ARHGAP30: variants seen among roughly 807,000 people sequenced by gnomAD.
The protein encoded by ARHGAP30 is Rho GTPase activating protein 30.
Under a neutral mutation model 72.0 loss-of-function variants are expected in ARHGAP30, and 23 were observed. The observed-to-expected ratio is 0.32, with a 90% CI of 0.23 to 0.45. The LOEUF (loss-of-function observed/expected upper bound fraction) is 0.45, where lower values mean the gene tolerates loss of function less well. ARHGAP30 is among the 20% of genes least tolerant of loss of function. The pLI, the probability that ARHGAP30 is intolerant of heterozygous loss-of-function variation, is 1.00. For missense variants in ARHGAP30, 1,319 were observed against 1,383.4 expected (o/e 0.95, Z 0.74); for synonymous variants, 576 against 528.2 (o/e 1.09, Z -1.24).
chr1:161,052,542 T>C lies in ARHGAP30; in HGVS notation c.838A>G (p.Arg280Gly). 6.2e-7 allele frequency: 1 copy of C among 1,613,774 alleles called. No homozygotes were observed. Among genetic ancestry groups the C allele is most frequent in the Non-Finnish European group, 8.5e-7 (1 of 1,179,978 alleles). Residue 280 changes from arginine to glycine, a missense_variant and splice_region_variant, in exon 8 of 12, where the codon AGG becomes GGG. By Grantham distance (125) the Arg-to-Gly change is moderately radical. Around this residue, in one of 2 missense-constraint regions of ARHGAP30, gnomAD observed 1,097 missense variants for 1,045.2 expected, o/e 1.05. Transcript: ENST00000368013. Reference protein sequence around the residue: ...HTIIEIAEHKRKGSLKVRKWR... With the variant: ...HTIIEIAEHKGKGSLKVRKWR... ...TTCCTGACCTTCAAAGACCCCTTCC[T>C]CCTACAAAGAATGGAGGGGCATAAT... is the stretch of plus-strand genomic sequence containing the variant.
chr1:161,056,544 C>A lies in ARHGAP30; in HGVS notation c.201-12G>T. On this transcript the variant is annotated splice_polypyrimidine_tract_variant and intron_variant, in intron 2 of 11. Coordinates refer to ENST00000368013, the MANE Select transcript of ARHGAP30 (RefSeq NM_001025598.2). ...ACTCAAATTCCTGCCTGGGGAGGCG[C>A]GGTGTGGTCAGGAGTGGTAGGGGTT... 6.2e-7 allele frequency: 1 copy of A among 1,609,608 alleles called. No individual in the cohort carries two copies. The highest frequency in any genetic ancestry group is 8.5e-7 in the Non-Finnish European group (1 of 1,179,122).
rs1448866028 is a variant in ARHGAP30 at position 161,053,376 on chromosome 1, G to GAA, written c.545_546insTT (p.Ile183SerfsTer2). 6.2e-7 allele frequency: 1 copy of GAA among 1,613,440 alleles called. No homozygotes were observed. The highest frequency in any genetic ancestry group is 8.5e-7 in the Non-Finnish European group (1 of 1,179,894). On this transcript the variant is annotated frameshift_variant, in exon 6 of 12. Transcript: ENST00000368013. LOFTEE classifies it high-confidence loss of function. ...TCCCATTGAAGCCTGAGGCCTCTATGTCCTTAGACCTGTGGAGATGTGGAA... is the reference window on the plus strand; with the variant it reads ...TCCCATTGAAGCCTGAGGCCTCTATGAATCCTTAGACCTGTGGAGATGTGGAA...
intron 1 of ARHGAP30, among the ~76,000 whole-genome samples, chr1:161,061,544 A>C (rs922695733): frequency 6.6e-6 from 1 of 152,196 alleles, no homozygotes; most frequent in African/African-American, 2.4e-5. Flanking sequence ...TCTGAAAAAA[A>C]AAACTTTAAA....
rs796072565 is a variant in ARHGAP30 at position 161,055,886 on chromosome 1, T to TAAATAAAATA, written c.345+492_345+501dup. ...AAAATAAAATAAAATAAAATAAAAA[T>TAAATAAAATA]AAATAAAATAAAATAAAATAAAATA... On this transcript the variant is annotated intron_variant, in intron 3 of 11. Coordinates refer to ENST00000368013, the MANE Select transcript of ARHGAP30 (RefSeq NM_001025598.2). Among the ~76,000 whole-genome samples the TAAATAAAATA allele has an allele frequency of 1.2e-3, 68 of 55,412 alleles. 1 individual carries two copies. The highest frequency in any genetic ancestry group is 2.0e-3 in the Admixed American group (11 of 5,472). 36.4% of individuals were successfully genotyped at this position (55,412 alleles called of 152,430 possible).
chr1:161,051,769 A>T, intron 9 of ARHGAP30, 54 bp from the exon 10 acceptor site: 1 of 1,490,962 alleles, frequency 6.7e-7, no homozygotes, highest in East Asian at 2.4e-5. Flanking sequence ...CAAGGGGCCT[A>T]GACATCTCAA....
Position 161,059,603 on chromosome 1 carries a change from G to A in ARHGAP30, c.200+11C>T. On this transcript the variant is annotated intron_variant, in intron 2 of 11. Transcript: ENST00000368013. ...CCTGGTCACAGAGCCCTCCCACTCT[G>A]TTTGACTCACCGAAGCTTCTGGATG... 6.2e-7 allele frequency: 1 copy of A among 1,609,756 alleles called. No homozygotes were observed. Among genetic ancestry groups the A allele is most frequent in the Non-Finnish European group, 8.5e-7 (1 of 1,177,364 alleles).
At position 161,047,517 on chromosome 1, in the gene ARHGAP30, T is replaced by C; in HGVS notation, c.*198A>G. 2.3e-6 allele frequency: 1 copy of C among 444,228 alleles called. No homozygotes were observed. The highest frequency in any genetic ancestry group is 3.8e-6 in the Non-Finnish European group (1 of 261,406). 27.5% of individuals were successfully genotyped at this position (444,228 alleles called of 1,614,324 possible). A position where few individuals can be genotyped will look rare whatever the true frequency, so the allele number is the denominator to read the frequency against. On this transcript the variant is annotated 3_prime_UTR_variant, in exon 12 of 12. Transcript: ENST00000368013. ...ACTTTCTTGGGAATCTCCTAAGAGATAAGTGCTTTGTGTCGGAGACAAGTT... is the reference window on the plus strand; with the variant it reads ...ACTTTCTTGGGAATCTCCTAAGAGACAAGTGCTTTGTGTCGGAGACAAGTT...
chr1:161,065,514 C>A lies in ARHGAP30; in HGVS notation c.97+4014G>T, dbSNP rs115149042. 5.8e-3 allele frequency among the ~76,000 whole-genome samples: 885 copies of A among 152,132 alleles called. 7 individuals carry two copies. Among genetic ancestry groups the A allele is most frequent in the African/African-American group, 0.02 (836 of 41,518 alleles). ...GAATGAAGAAAATAATCAATAAATTCATCAATCCCAATCTTTCCTTTTTCT... is the reference window on the plus strand; with the variant it reads ...GAATGAAGAAAATAATCAATAAATTAATCAATCCCAATCTTTCCTTTTTCT... On this transcript the variant is annotated intron_variant, in intron 1 of 11. Transcript: ENST00000368013.
chr1:161,052,168 T>C (rs368516151), intron 9 of ARHGAP30, 118 bp downstream of exon 9: 19 of 1,068,430 alleles, frequency 1.8e-5, no homozygotes, highest in Admixed American at 1.3e-4. Flanking sequence ...TGGTATATAA[T>C]AGGCACTCAT....
At position 161,053,346 on chromosome 1, in the gene ARHGAP30, C is replaced by T. The variant is rs538467691; in HGVS notation, c.576G>A (p.Ala192=). Residue 192 remains alanine, a synonymous_variant, in exon 6 of 12, where the codon GCG becomes GCA. Coordinates refer to ENST00000368013, the MANE Select transcript of ARHGAP30 (RefSeq NM_001025598.2). ...DIEASGFNGT[A]AFMEVRVQSI... ...ATTGTACCCGCACCTCCATGAAGGC[C>T]GCTGTCCCATTGAAGCCTGAGGCCT... 8.7e-6 allele frequency: 14 copies of T among 1,613,910 alleles called. No individual in the cohort carries two copies. The highest frequency in any genetic ancestry group is 2.7e-5 in the African/African-American group (2 of 74,898).
At chr1:161,067,252 A>C (rs10797092) in intron 1 of ARHGAP30, among the ~76,000 whole-genome samples, 122,745 of 152,080 alleles carry the variant, frequency 0.81, 49,777 homozygotes, top group African/African-American at 0.88. Flanking sequence ...GAGGAAGGCC[A>C]AAAGCTTAGG....
At chr1:161,064,782 A>AAGAAAGAAG (rs1652578984) in intron 1 of ARHGAP30, among the ~76,000 whole-genome samples, 1 of 69,898 alleles carries the variant, frequency 1.4e-5, no homozygotes, top group African/African-American at 8.0e-5. Context: ...AGAAAGAAAA[A>AAGAAAGAAG]GAAAGAAAGA....
chr1:161,051,499 A>G lies in ARHGAP30; in HGVS notation c.1235T>C (p.Ile412Thr). ...GAGGTTGACATTGTAGGGGTCTGAG[A>G]TGTGGACACCAGCACAGCGTTCTGC... ...SRAERCAGVH[I>T]SDPYNVNLPL... The change falls in exon 10 of 12, where the codon ATC becomes ACC. Residue 412 changes from isoleucine (I) to threonine (T), a missense_variant. Physicochemically the swap from Ile to Thr is moderately conservative, Grantham distance 89 (BLOSUM62 -1). Coordinates refer to ENST00000368013, the MANE Select transcript of ARHGAP30 (RefSeq NM_001025598.2). The G allele has an allele frequency of 6.2e-7, 1 of 1,614,244 alleles. No homozygotes were observed. Among genetic ancestry groups the G allele is most frequent in the East Asian group, 2.2e-5 (1 of 44,892 alleles).
chr1:161,048,881 C>G lies in ARHGAP30; in HGVS notation c.2140G>C (p.Glu714Gln), dbSNP rs757121617. The change falls in exon 12 of 12, where the codon GAG becomes CAG. Residue 714 changes from glutamate (E) to glutamine (Q), a missense_variant. Glu to Gln is a conservative substitution (Grantham distance 29). Coordinates refer to ENST00000368013, the MANE Select transcript of ARHGAP30 (RefSeq NM_001025598.2). ...CCTTTGGACTTCTCTTCCTTGGCCT[C>G]TGTCTCTTCCCTACTCCCTTCTCTC... ...RLREGSREET[E>Q]AKEEKSKGQK... 2 of 1,614,042 alleles carry G rather than the reference C, an allele frequency of 1.2e-6. No homozygotes were observed. Among genetic ancestry groups the G allele is most frequent in the African/African-American group, 1.3e-5 (1 of 74,932 alleles).
chr1:161,058,814 T>C (rs1438113288), intron 2 of ARHGAP30, among the ~76,000 whole-genome samples: 1 of 147,388 alleles, frequency 6.8e-6, no homozygotes, highest in Non-Finnish European at 1.5e-5. Flanking sequence ...TGAGCCAAGA[T>C]TGCGCCACTG....
chr1:161,053,411 C>T (rs1651567969), intron 5 of ARHGAP30, 26 bp from the exon 6 acceptor site: 1 of 1,610,280 alleles, frequency 6.2e-7, no homozygotes, highest in South Asian at 1.1e-5. Flanking sequence ...ATTATTCTCC[C>T]CCTCAGCCCC....
At chr1:161,052,877 C>T (rs866627205) in intron 6 of ARHGAP30, 80 bp from the exon 7 acceptor site, 17 of 1,512,744 alleles carry the variant, frequency 1.1e-5, no homozygotes, top group African/African-American at 5.5e-5. Context: ...CATCACCCCT[C>T]GCCAACTACC....
chr1:161,054,831 C>A, intron 3 of ARHGAP30, 126 bp from the exon 4 acceptor site: 3 of 801,858 alleles, frequency 3.7e-6, no homozygotes, highest in Non-Finnish European at 6.3e-6. Flanking sequence ...CATCCTACAT[C>A]ATCTGCGGTG....
intron 3 of ARHGAP30, among the ~76,000 whole-genome samples, chr1:161,055,837 TA>T (rs1457344319): frequency 8.1e-5 from 2 of 24,746 alleles, no homozygotes; most frequent in Admixed American, 4.7e-4. Flanking sequence ...TAAAATAAAA[TA>T]AAATAAATAA....
Sources: gnomAD v4.1 joint callset for allele counts (sites outside exome capture counted in the v4.1 genomes callset) on GRCh38, gnomAD v4.1.1 for gene constraint, gnomAD v4.1.1 regional missense constraint, MANE v1.5 for transcripts, NCBI Gene and HGNC (gene_info 2026-07-23, HGNC 2026-07-21) for gene names.